Variants in VWA8 observed in about 807,000 individuals in gnomAD.
VWA8 encodes the protein von Willebrand factor A domain containing 8, also known as von Willebrand factor A domain-containing protein 8.
VWA8 carries 221 observed loss-of-function variants against 241.5 expected under a neutral mutation model. The ratio of observed to expected loss-of-function variants is 0.91; its 90% CI spans 0.82 to 1.02. The LOEUF (loss-of-function observed/expected upper bound fraction) is 1.02. Ranked by LOEUF, VWA8 falls within the 50% of genes least tolerant of loss-of-function variation. The pLI is 0.00. For synonymous variants in VWA8, 852 were observed against 827.1 expected (o/e 1.03, Z -0.52); for missense variants, 2,322 against 2,328.7 (o/e 1.00, Z 0.06).
intron 16 of VWA8, among the ~76,000 whole-genome samples, chr13:41,812,250 A>G (rs1185354960): frequency 6.6e-6 from 1 of 152,206 alleles, no homozygotes; most frequent in Non-Finnish European, 1.5e-5. Context: ...ATGAAAACAA[A>G]AAACCCAGCA....
intron 20 of VWA8, among the ~76,000 whole-genome samples, chr13:41,765,143 G>C (rs2045770761): frequency 6.6e-6 from 1 of 151,840 alleles, no homozygotes. Context: ...GCAGGTCACA[G>C]AAGAAACAGG....
chr13:41,881,134 CATTT>C (rs376787518), intron 9 of VWA8, among the ~76,000 whole-genome samples: 1 of 152,148 alleles, frequency 6.6e-6, no homozygotes, highest in African/African-American at 2.4e-5. Context: ...TTACCATCAT[CATTT>C]ATTTTTATGC....
At chr13:41,627,917 A>G (rs775197331) in intron 37 of VWA8, among the ~76,000 whole-genome samples, 1 of 152,214 alleles carries the variant, frequency 6.6e-6, no homozygotes, top group African/African-American at 2.4e-5. Flanking sequence ...TGGGGAGATG[A>G]TGCAGGAAAA....
At chr13:41,858,805 G>A (rs2138040113) in intron 12 of VWA8, among the ~76,000 whole-genome samples, 1 of 152,172 alleles carries the variant, frequency 6.6e-6, no homozygotes, top group African/African-American at 2.4e-5. Context: ...TTCTTAGATA[G>A]CATTGTAAGA....
Position 41,859,164 on chromosome 13 carries a change from C to T in VWA8, c.1425+6572G>A, listed in dbSNP as rs114129994. Among the ~76,000 whole-genome samples, 260 of 147,030 alleles carry T rather than the reference C, an allele frequency of 1.8e-3. 2 individuals are homozygous for T. Among genetic ancestry groups the T allele is most frequent in the African/African-American group, 5.9e-3 (239 of 40,270 alleles). On this transcript the variant is annotated intron_variant, in intron 12 of 44. Transcript: ENST00000379310. ...TGCATAAAGAACACTTAAATGAATA[C>T]AAATGTCTTGAAATCTTCATAAGAG...
At chr13:41,808,221 T>C (rs1870306866) in intron 17 of VWA8, among the ~76,000 whole-genome samples, 1 of 152,152 alleles carries the variant, frequency 6.6e-6, no homozygotes, top group African/African-American at 2.4e-5. Context: ...ATGAAAGCCA[T>C]ATATGACAGA....
chr13:41,868,321 A>T (rs1329883467), intron 10 of VWA8, 25 bp downstream of exon 10: 1 of 1,612,418 alleles, frequency 6.2e-7, no homozygotes, highest in Non-Finnish European at 8.5e-7. Flanking sequence ...TATATCATAG[A>T]AAGAATAAAC....
intron 29 of VWA8, among the ~76,000 whole-genome samples, chr13:41,694,129 A>G (rs7322534): frequency 0.077 from 11,636 of 152,036 alleles, 547 homozygotes; most frequent in African/African-American, 0.13. Context: ...TAAAGAATAC[A>G]ACAATGAATT....
At position 41,619,592 on chromosome 13, in the gene VWA8, T is replaced by C. The variant is rs191065186; in HGVS notation, c.4612-4508A>G. Among the ~76,000 whole-genome samples, 448 of 152,334 alleles carry C rather than the reference T, an allele frequency of 2.9e-3. 2 individuals are homozygous for C. Among genetic ancestry groups the C allele is most frequent in the African/African-American group, 1.0e-2 (415 of 41,576 alleles). On this transcript the variant is annotated intron_variant, in intron 37 of 44. Coordinates refer to ENST00000379310, the MANE Select transcript of VWA8 (RefSeq NM_015058.2). ...TCCAGTTTTTGCCCATTCAGTATGA[T>C]ATTGGCTGTGGGTTTGTCATACATA...
intron 42 of VWA8, among the ~76,000 whole-genome samples, chr13:41,581,696 CTT>C (rs10710306): frequency 6.7e-6 from 1 of 148,962 alleles, no homozygotes; most frequent in Non-Finnish European, 1.5e-5. Flanking sequence ...GTTTAAGTTT[CTT>C]TTTTTTTTTC....
At chr13:41,960,276 T>C (rs1181365809) in intron 1 of VWA8, among the ~76,000 whole-genome samples, 1 of 152,238 alleles carries the variant, frequency 6.6e-6, no homozygotes, top group African/African-American at 2.4e-5. Flanking sequence ...GCAAGTGTTT[T>C]AACTAAATTA....
intron 9 of VWA8, among the ~76,000 whole-genome samples, chr13:41,882,671 T>G (rs1274763420): frequency 6.6e-6 from 1 of 151,946 alleles, no homozygotes; most frequent in Admixed American, 6.6e-5. Context: ...AGGCGTGGCG[T>G]CGCGCGCCTG....
chr13:41,951,416 C>G (rs1878133888), intron 1 of VWA8, among the ~76,000 whole-genome samples: 1 of 152,070 alleles, frequency 6.6e-6, no homozygotes, highest in African/African-American at 2.4e-5. Context: ...CACTCCGTCT[C>G]AAATAAATAA....
chr13:41,796,823 A>T (rs896899124), intron 17 of VWA8, among the ~76,000 whole-genome samples: 5 of 151,984 alleles, frequency 3.3e-5, no homozygotes, highest in Non-Finnish European at 5.9e-5. Context: ...TGTATCATTA[A>T]AGTACTGAAA....
intron 2 of VWA8, 93 bp from the exon 3 acceptor site, chr13:41,912,261 A>G: frequency 1.3e-6 from 1 of 773,072 alleles, no homozygotes; most frequent in Non-Finnish European, 1.8e-6. Flanking sequence ...ATATATATAT[A>G]ACGTATATAA....
intron 9 of VWA8, 42 bp from the exon 10 acceptor site, chr13:41,868,519 T>C (rs1455910763): frequency 6.3e-7 from 1 of 1,588,158 alleles, no homozygotes; most frequent in Admixed American, 1.8e-5. Flanking sequence ...CTTTTCATTT[T>C]AGCATTAACA....
chr13:41,939,493 T>C (rs534614358), intron 2 of VWA8, among the ~76,000 whole-genome samples: 17 of 151,032 alleles, frequency 1.1e-4, no homozygotes, highest in Non-Finnish European at 2.4e-4. Context: ...AAAAAAAAAC[T>C]GAAGAGTAAT....
chr13:41,835,367 A>G (rs1252933424), intron 12 of VWA8, among the ~76,000 whole-genome samples: 1 of 152,230 alleles, frequency 6.6e-6, no homozygotes, highest in Non-Finnish European at 1.5e-5. Context: ...TAAACTTAAA[A>G]GGCTGGTTTT....
At chr13:41,697,097 C>T (rs1362045592) in intron 29 of VWA8, among the ~76,000 whole-genome samples, 1 of 152,218 alleles carries the variant, frequency 6.6e-6, no homozygotes, top group Non-Finnish European at 1.5e-5. Context: ...CTGATTGCTT[C>T]CCCATCTTAG....
Sources: allele counts gnomAD v4.1 joint callset (sites outside exome capture counted in the v4.1 genomes callset), GRCh38; gene constraint gnomAD v4.1.1; transcripts MANE v1.5; gene names NCBI Gene and HGNC (gene_info 2026-07-23, HGNC 2026-07-21).